GPC5: variants seen among roughly 807,000 people sequenced by gnomAD.
GPC5 encodes glypican 5.
Under a neutral mutation model 53.9 loss-of-function variants are expected in GPC5, and 47 were observed. The observed-to-expected ratio is 0.87, with a 90% CI of 0.69 to 1.11. The LOEUF (loss-of-function observed/expected upper bound fraction) is 1.11, where lower values mean the gene tolerates loss of function less well. GPC5 is among the 50% of genes most tolerant of loss of function. The pLI, the probability that GPC5 is intolerant of heterozygous loss-of-function variation, is 0.00. For synonymous variants in GPC5, 286 were observed against 263.3 expected (o/e 1.09, Z -0.84); for missense variants, 748 against 713.1 (o/e 1.05, Z -0.56).
intron 5 of GPC5, among the ~76,000 whole-genome samples, chr13:91,800,027 T>G (rs1467418215): frequency 6.6e-6 from 1 of 152,078 alleles, no homozygotes; most frequent in Non-Finnish European, 1.5e-5. Flanking sequence ...TTCTTTTACA[T>G]CTAAATAATT....
At position 92,144,882 on chromosome 13, in the gene GPC5, G is replaced by T; in HGVS notation, c.1454G>T (p.Gly485Val). Residue 485 changes from glycine (G) to valine (V), a missense_variant, in exon 7 of 8, where the codon GGC becomes GTC. Coordinates refer to ENST00000377067, the MANE Select transcript of GPC5 (RefSeq NM_004466.6). ...GACAAGTGGGAACTTCTTCAGCTGG[G>T]CAGTGGTGGAGGCATGGTTGAACAA... is the stretch of plus-strand genomic sequence containing the variant. ...KPDKWELLQL[G>V]SGGGMVEQVS... 1 of 1,611,642 alleles carries T rather than the reference G, an allele frequency of 6.2e-7. No homozygotes were observed. The highest frequency in any genetic ancestry group is 8.5e-7 in the Non-Finnish European group (1 of 1,178,998).
chr13:92,495,935 C>G (rs1246260263), intron 7 of GPC5, among the ~76,000 whole-genome samples: 2 of 151,930 alleles, frequency 1.3e-5, no homozygotes, highest in Non-Finnish European at 2.9e-5. Context: ...TACGCTAACT[C>G]CAATGGTTTG....
intron 7 of GPC5, among the ~76,000 whole-genome samples, chr13:92,352,363 A>T (rs1284640487): frequency 6.6e-6 from 1 of 152,212 alleles, no homozygotes; most frequent in Non-Finnish European, 1.5e-5. Context: ...TTATAACAGG[A>T]AATGTTGTGT....
At chr13:92,695,039 G>A (rs897084724) in intron 7 of GPC5, among the ~76,000 whole-genome samples, 4 of 152,258 alleles carry the variant, frequency 2.6e-5, no homozygotes, top group Middle Eastern at 3.4e-3. Flanking sequence ...TAAGAAGTGC[G>A]TTGCTTCCCC....
At chr13:91,405,246 G>A (rs1877234751) in intron 1 of GPC5, among the ~76,000 whole-genome samples, 1 of 152,116 alleles carries the variant, frequency 6.6e-6, no homozygotes, top group Non-Finnish European at 1.5e-5. Flanking sequence ...GCAATTCTTT[G>A]TTGTGGGGTG....
intron 4 of GPC5, among the ~76,000 whole-genome samples, chr13:91,743,966 T>C (rs2036992810): frequency 6.6e-6 from 1 of 152,160 alleles, no homozygotes; most frequent in African/African-American, 2.4e-5. Flanking sequence ...ACTTTTGAAG[T>C]CAAGGAGTCT....
intron 2 of GPC5, among the ~76,000 whole-genome samples, chr13:91,654,432 A>T (rs2034797633): frequency 6.6e-6 from 1 of 152,164 alleles, no homozygotes; most frequent in Non-Finnish European, 1.5e-5. Flanking sequence ...TAATGATGAA[A>T]TTATTTTGTG....
At chr13:92,472,138 T>A (rs1878937969) in intron 7 of GPC5, among the ~76,000 whole-genome samples, 1 of 152,124 alleles carries the variant, frequency 6.6e-6, no homozygotes, top group Non-Finnish European at 1.5e-5. Flanking sequence ...GAATGAAATG[T>A]TAGGCCCATA....
At chr13:91,893,093 A>G (rs2138972116) in intron 5 of GPC5, among the ~76,000 whole-genome samples, 1 of 152,116 alleles carries the variant, frequency 6.6e-6, no homozygotes, top group Middle Eastern at 3.4e-3. Flanking sequence ...AGCTGTTTTT[A>G]TTAAACAAGC....
chr13:91,436,745 T>A (rs1262991323), intron 1 of GPC5, among the ~76,000 whole-genome samples: 2 of 152,182 alleles, frequency 1.3e-5, no homozygotes, highest in Non-Finnish European at 2.9e-5. Context: ...ATATCCTTAT[T>A]AACTTTCTGT....
chr13:92,500,041 G>T (rs139195054), intron 7 of GPC5, among the ~76,000 whole-genome samples: 6 of 152,236 alleles, frequency 3.9e-5, no homozygotes, highest in African/African-American at 1.4e-4. Context: ...CTAAATTGGT[G>T]GTGACTTTCC....
At chr13:92,650,727 A>G (rs1355595917) in intron 7 of GPC5, among the ~76,000 whole-genome samples, 1 of 152,188 alleles carries the variant, frequency 6.6e-6, no homozygotes, top group African/African-American at 2.4e-5. Flanking sequence ...AAAAGACAGC[A>G]TACCTTTTGT....
chr13:92,675,540 T>G (rs1401812090), intron 7 of GPC5, among the ~76,000 whole-genome samples: 1 of 151,990 alleles, frequency 6.6e-6, no homozygotes, highest in African/African-American at 2.4e-5. Flanking sequence ...CAAATTTCCT[T>G]GATGCTTGGA....
At chr13:92,366,509 T>G (rs2043608436) in intron 7 of GPC5, among the ~76,000 whole-genome samples, 1 of 151,792 alleles carries the variant, frequency 6.6e-6, no homozygotes, top group African/African-American at 2.4e-5. Flanking sequence ...GATTAAGAAG[T>G]TTATTTTTCT....
chr13:91,724,806 A>C (rs2036543710), intron 3 of GPC5, among the ~76,000 whole-genome samples: 1 of 152,156 alleles, frequency 6.6e-6, no homozygotes, highest in African/African-American at 2.4e-5. Context: ...GCAGTGAGTC[A>C]TGATCATGGC....
chr13:91,620,086 G>T (rs1202886867), intron 2 of GPC5, among the ~76,000 whole-genome samples: 1 of 152,050 alleles, frequency 6.6e-6, no homozygotes, highest in South Asian at 2.1e-4. Flanking sequence ...GGGTCAACAG[G>T]TGCTTAATAA....
intron 7 of GPC5, among the ~76,000 whole-genome samples, chr13:92,206,159 T>A (rs1566484651): frequency 3.5e-5 from 2 of 56,772 alleles, no homozygotes; most frequent in East Asian, 2.3e-4. Context: ...TTTTTTATTT[T>A]TTTTTTTATT....
intron 7 of GPC5, among the ~76,000 whole-genome samples, chr13:92,839,926 T>TG (rs898913098): frequency 2.0e-5 from 3 of 151,770 alleles, no homozygotes; most frequent in Non-Finnish European, 4.4e-5. Flanking sequence ...TCCCTTGGAA[T>TG]AGGACTCTCC....
intron 7 of GPC5, among the ~76,000 whole-genome samples, chr13:92,836,184 CT>C (rs373237581): frequency 3.9e-5 from 6 of 151,906 alleles, no homozygotes; most frequent in South Asian, 4.1e-4. Flanking sequence ...TATAGAATAT[CT>C]TTTTTATAGC....
Sources: allele counts gnomAD v4.1 joint callset (sites outside exome capture counted in the v4.1 genomes callset), GRCh38; gene constraint gnomAD v4.1.1; transcripts MANE v1.5; gene names NCBI Gene and HGNC (gene_info 2026-07-23, HGNC 2026-07-21).